PRMT1: variants seen among roughly 807,000 people sequenced by gnomAD.
PRMT1 encodes the protein protein arginine N-methyltransferase 1.
PRMT1 carries 5 observed loss-of-function variants against 47.4 expected under a neutral mutation model. That is an observed-to-expected ratio of 0.11 (90% confidence interval 0.06 to 0.22). The LOEUF is 0.22. Ranked by LOEUF, PRMT1 falls within the 10% of genes least tolerant of loss-of-function variation. The pLI, the probability that PRMT1 is intolerant of heterozygous loss-of-function variation, is 1.00. For synonymous variants in PRMT1, 227 were observed against 204.6 expected (o/e 1.11, Z -0.94); for missense variants, 249 against 518.4 (o/e 0.48, Z 5.05).
Position 49,681,627 on chromosome 19 carries a change from AC to A in PRMT1, c.193-282del, listed in dbSNP as rs2082120013. Among the ~76,000 whole-genome samples, 2 of 152,078 alleles carry A rather than the reference AC, an allele frequency of 1.3e-5. No individual in the cohort carries two copies. The highest frequency in any genetic ancestry group is 2.4e-5 in the African/African-American group (1 of 41,418). ...GTGGTGTGCACCTATAATCTCAGCT[AC>A]TTGGGAGGCTGAGGCAGGAGAATCA... is the stretch of plus-strand genomic sequence containing the variant. On this transcript the variant is annotated intron_variant, in intron 3 of 10. Transcript: ENST00000454376. The surrounding 1 kb of genome is among the most constrained non-coding windows in gnomAD (Gnocchi z 4.4).
intron 1 of PRMT1, 186 bp downstream of exon 1, chr19:49,677,502 C>T (rs2082053532): frequency 2.2e-6 from 1 of 444,520 alleles, no homozygotes; most frequent in East Asian, 3.6e-5. Context: ...TTCCAAGGGC[C>T]TTCGGCATCC....
chr19:49,682,201 G>C lies in PRMT1; in HGVS notation c.354G>C (p.Glu118Asp). The C allele has an allele frequency of 6.2e-7, 1 of 1,614,164 alleles. No homozygotes were observed. The highest frequency in any genetic ancestry group is 8.5e-7 in the Non-Finnish European group (1 of 1,180,032). The change falls in exon 5 of 11, where the codon GAG becomes GAC. Residue 118 changes from glutamate to aspartate, a missense_variant. By Grantham distance (45) the Glu-to-Asp change is conservative. Transcript: ENST00000454376. ...KAGARKVIGIECSSISDYAVK... is the reference protein window; with the variant it reads ...KAGARKVIGIDCSSISDYAVK... The stretch of plus-strand genomic sequence containing the variant: ...CCTTCTTCCTGGGCCCTCAGATCGA[G>C]TGTTCCAGTATCTCTGATTATGCGG...
chr19:49,681,987 G>A lies in PRMT1; in HGVS notation c.270G>A (p.Lys90=). Residue 90 remains lysine, a synonymous_variant, in exon 4 of 11, where the codon AAG becomes AAA. Coordinates refer to ENST00000454376, the MANE Select transcript of PRMT1 (RefSeq NM_001536.6). The surrounding 1 kb of genome is among the most constrained non-coding windows in gnomAD (Gnocchi z 4.4). The stretch of plus-strand genomic sequence containing the variant: ...ATAACCGGCACCTCTTCAAGGACAA[G>A]GTGGTGCTGGACGTCGGCTCGGGCA... ...MFHNRHLFKD[K]VVLDVGSGTG... 1 of 1,614,210 alleles carries A rather than the reference G, an allele frequency of 6.2e-7. No homozygotes were observed. The highest frequency in any genetic ancestry group is 8.5e-7 in the Non-Finnish European group (1 of 1,180,040).
chr19:49,683,422 C>G lies in PRMT1; in HGVS notation c.413-505C>G, dbSNP rs933229089. Among the ~76,000 whole-genome samples the G allele has an allele frequency of 5.3e-5, 8 of 152,058 alleles. No homozygotes were observed. In the East Asian group the frequency reaches 1.6e-3, roughly 30 times the overall value. ...ACAAAATCGCGGCCGGGCACAGTGGCTCACGCCTGTAATCCCAACATTTTG... is the reference window on the plus strand; with the variant it reads ...ACAAAATCGCGGCCGGGCACAGTGGGTCACGCCTGTAATCCCAACATTTTG... On this transcript the variant is annotated intron_variant, in intron 5 of 10. Coordinates refer to ENST00000454376, the MANE Select transcript of PRMT1 (RefSeq NM_001536.6).
intron 5 of PRMT1, among the ~76,000 whole-genome samples, chr19:49,682,934 A>C (rs1256636271): frequency 6.6e-6 from 1 of 151,814 alleles, no homozygotes; most frequent in Non-Finnish European, 1.5e-5. Context: ...TACAGGCGCC[A>C]GCCACCACGC....
rs999161484 is a variant in PRMT1 at position 49,688,016 on chromosome 19, C to T, written c.1033-146C>T. 2 of 758,950 alleles carry T rather than the reference C, an allele frequency of 2.6e-6. No homozygotes were observed. Among genetic ancestry groups the T allele is most frequent in the Non-Finnish European group, 4.7e-6 (2 of 429,590 alleles). 47.0% of individuals were successfully genotyped at this position (758,950 alleles called of 1,614,324 possible). A position where few individuals can be genotyped will look rare whatever the true frequency, so the allele number is the denominator to read the frequency against. On this transcript the variant is annotated intron_variant, in intron 10 of 10. Transcript: ENST00000454376. This position sits in a 1 kb window ranked among gnomAD's most constrained non-coding sequence, Gnocchi z 5.3. ...TCCCTTGGCAGGGTCAGGGCAGCTG[C>T]TAGGGTGGGACCAGCAGTTGGGGTC...
chr19:49,678,018 C>T (rs1252840336), intron 1 of PRMT1, among the ~76,000 whole-genome samples: 1 of 152,094 alleles, frequency 6.6e-6, no homozygotes, highest in South Asian at 2.1e-4. Flanking sequence ...CTGTGACCTC[C>T]CTCTGGGTGG....
chr19:49,677,381 G>C (rs747566238), intron 1 of PRMT1, 65 bp downstream of exon 1: 6 of 1,319,826 alleles, frequency 4.5e-6, no homozygotes, highest in African/African-American at 3.0e-5. Flanking sequence ...CGCCTCTGTG[G>C]TGGGGAAAGG....
Position 49,677,416 on chromosome 19 carries a change from G to A in PRMT1, c.36+100G>A, listed in dbSNP as rs886280638. 6.4e-5 allele frequency: 69 copies of A among 1,082,674 alleles called. No homozygotes were observed. In the African/African-American group the frequency reaches 1.1e-3, roughly 16 times the overall value. The allele number at this position is 1,082,674 out of a possible 1,614,324, so 67.1% of individuals were successfully genotyped here. On this transcript the variant is annotated intron_variant, in intron 1 of 10. Coordinates refer to ENST00000454376, the MANE Select transcript of PRMT1 (RefSeq NM_001536.6). ...GGCTCTAAGTTGGCGATATGGGGTT[G>A]GAGGTCCCCCGCCGCACACGGGGGC...
chr19:49,682,050 C>G lies in PRMT1; in HGVS notation c.333C>G (p.Ala111=), dbSNP rs2082125305. Residue 111 remains alanine, a synonymous_variant, in exon 4 of 11, where the codon GCC becomes GCG. Transcript: ENST00000454376. ...GCATGTTTGCTGCCAAGGCCGGGGC[C>G]CGCAAGGTCATCGGGGTGAGTCTCC... is the stretch of plus-strand genomic sequence containing the variant. The part of the protein sequence containing the change: ...ILCMFAAKAG[A]RKVIGIECSS... 2 of 1,614,126 alleles carry G rather than the reference C, an allele frequency of 1.2e-6. No individual in the cohort carries two copies. The highest frequency in any genetic ancestry group is 8.5e-7 in the Non-Finnish European group (1 of 1,180,008).
chr19:49,683,573 A>T (rs1440499663), intron 5 of PRMT1: 1 of 193,628 alleles, frequency 5.2e-6, no homozygotes, highest in Non-Finnish European at 1.1e-5. Flanking sequence ...CTGTAGTCCC[A>T]GCTACTCGGG....
At chr19:49,686,019 G>A in intron 8 of PRMT1, 74 bp from the exon 9 acceptor site, 2 of 1,554,432 alleles carry the variant, frequency 1.3e-6, no homozygotes, top group Non-Finnish European at 1.7e-6. Context: ...GGCCCTCTGG[G>A]AGCTTAAGGG....
At chr19:49,679,850 T>C in intron 1 of PRMT1, 22 bp from the exon 2 acceptor site, 2 of 1,605,640 alleles carry the variant, frequency 1.2e-6, no homozygotes, top group East Asian at 2.2e-5. Context: ...GCTAATCCTT[T>C]TTCCCTGTTA....
At chr19:49,676,342 C>G (rs980779682), upstream of PRMT1, 3 of 152,262 alleles carry the variant, frequency 2.0e-5, no homozygotes, top group African/African-American at 7.2e-5. Context: ...CTTCATTCAA[C>G]TAGGAACTTT....
Position 49,688,279 on chromosome 19 carries a change from G to A in PRMT1, c.*34G>A, listed in dbSNP as rs539902003. The A allele has an allele frequency of 6.2e-7, 1 of 1,605,830 alleles. No individual in the cohort carries two copies. The highest frequency in any genetic ancestry group is 1.3e-5 in the African/African-American group (1 of 74,906). On this transcript the variant is annotated 3_prime_UTR_variant, in exon 11 of 11. Transcript: ENST00000454376. This position sits in a 1 kb window ranked among gnomAD's most constrained non-coding sequence, Gnocchi z 5.3. ...TCTCCCGCCCTGCACGAGCCCAGGGGCTGAGCGTTCCTAGGCGGTTTCGGG... is the reference window on the plus strand; with the variant it reads ...TCTCCCGCCCTGCACGAGCCCAGGGACTGAGCGTTCCTAGGCGGTTTCGGG...
In PRMT1 at chr19:49,681,487, C is replaced by T. The variant is rs2082117834; in HGVS notation, c.193-423C>T. ...GCGCAGTGGTTCACGCCTGTAATCC[C>T]AGCACTTTAGGGGGCTGAGGTGGGT... On this transcript the variant is annotated intron_variant, in intron 3 of 10. Coordinates refer to ENST00000454376, the MANE Select transcript of PRMT1 (RefSeq NM_001536.6). This position sits in a 1 kb window ranked among gnomAD's most constrained non-coding sequence, Gnocchi z 4.4. 6.6e-6 allele frequency among the ~76,000 whole-genome samples: 1 copy of T among 152,122 alleles called. No individual in the cohort carries two copies. Among genetic ancestry groups the T allele is most frequent in the Non-Finnish European group, 1.5e-5 (1 of 68,012 alleles).
At chr19:49,683,687 CAAA>C (rs34880220) in intron 5 of PRMT1, 5,399 of 223,050 alleles carry the variant, frequency 0.024, no homozygotes, top group South Asian at 0.035. Flanking sequence ...GACTCCGTCT[CAAA>C]AAAAAAAAAA....
Position 49,680,073 on chromosome 19 carries a change from C to T in PRMT1, c.90+148C>T. 9.0e-7 allele frequency: 1 copy of T among 1,107,898 alleles called. No homozygotes were observed. Among genetic ancestry groups the T allele is most frequent in the Non-Finnish European group, 1.3e-6 (1 of 748,734 alleles). 68.6% of individuals were successfully genotyped at this position (1,107,898 alleles called of 1,614,324 possible). On this transcript the variant is annotated intron_variant, in intron 2 of 10. Coordinates refer to ENST00000454376, the MANE Select transcript of PRMT1 (RefSeq NM_001536.6). This position sits in a 1 kb window ranked among gnomAD's most constrained non-coding sequence, Gnocchi z 4.2. ...GCCCCCAGACACTTAGTAGCAACCC[C>T]TCCAGGTTCACAGCCCCCGCTGGCC...
Position 49,686,179 on chromosome 19 carries a change from C to T in PRMT1, c.846C>T (p.His282=), listed in dbSNP as rs376253057. 43 of 1,613,982 alleles carry T rather than the reference C, an allele frequency of 2.7e-5. No individual in the cohort carries two copies. The highest frequency in any genetic ancestry group is 6.7e-5 in the Admixed American group (4 of 60,004). The part of the protein sequence containing the change: ...CLQVKRNDYV[H]ALVAYFNIEF... The stretch of plus-strand genomic sequence containing the variant: ...AAGTGAAGCGGAATGACTACGTGCA[C>T]GCCCTGGTGGCCTACTTCAACATCG... The change falls in exon 9 of 11, where the codon CAC becomes CAT. Residue 282 remains histidine, a synonymous_variant. Coordinates refer to ENST00000454376, the MANE Select transcript of PRMT1 (RefSeq NM_001536.6).
Sources: allele counts gnomAD v4.1 joint callset (sites outside exome capture counted in the v4.1 genomes callset), GRCh38; gene constraint gnomAD v4.1.1; non-coding constraint Gnocchi (gnomAD v3.1); transcripts MANE v1.5; gene names NCBI Gene and HGNC (gene_info 2026-07-23, HGNC 2026-07-21).